Variants in DOP1A observed in about 807,000 individuals in gnomAD.
DOP1A encodes DOP1 leucine zipper like protein A, also known as protein DOP1A.
A neutral mutation model predicts 267.6 loss-of-function variants in DOP1A; 90 were observed. The ratio of observed to expected loss-of-function variants is 0.34; its 90% CI spans 0.28 to 0.40. The LOEUF is 0.40. DOP1A is among the 10% of genes least tolerant of loss of function. DOP1A has a pLI of 1.00. For synonymous variants in DOP1A, 932 were observed against 999.1 expected (o/e 0.93, Z 1.27); for missense variants, 2,437 against 2,900.4 (o/e 0.84, Z 3.67).
chr6:83,159,678 A>T, intron 36 of DOP1A, 118 bp from the exon 37 acceptor site: 1 of 1,114,622 alleles, frequency 9.0e-7, no homozygotes, highest in Non-Finnish European at 1.3e-6. Context: ...CTTAGCAATT[A>T]CTGGCACATT....
At chr6:83,141,900 A>C (rs753619837) in intron 23 of DOP1A, 21 bp from the exon 24 acceptor site, 2 of 1,575,594 alleles carry the variant, frequency 1.3e-6, no homozygotes, top group South Asian at 2.4e-5. Flanking sequence ...TTTCACTTTC[A>C]TTTGCTTCAA....
downstream of DOP1A, chr6:83,170,437 T>A: frequency 6.2e-7 from 1 of 1,614,112 alleles, no homozygotes; most frequent in East Asian, 2.2e-5. Flanking sequence ...TAACTGCTTG[T>A]CTTTCAGCAT....
intron 1 of DOP1A, among the ~76,000 whole-genome samples, chr6:83,085,187 A>G (rs1292857749): frequency 6.6e-6 from 1 of 152,156 alleles, no homozygotes; most frequent in African/African-American, 2.4e-5. Flanking sequence ...ACAAACGAAA[A>G]TGGTTTAACT....
chr6:83,077,719 A>G (rs533211139), intron 1 of DOP1A, among the ~76,000 whole-genome samples: 4 of 152,310 alleles, frequency 2.6e-5, no homozygotes, highest in East Asian at 3.9e-4. Flanking sequence ...CATGAAGCAT[A>G]TGTACATTTT....
At chr6:83,073,801 T>C (rs1192983971) in intron 1 of DOP1A, among the ~76,000 whole-genome samples, 6 of 152,212 alleles carry the variant, frequency 3.9e-5, no homozygotes, top group African/African-American at 1.2e-4. Context: ...TTCTGGCTTT[T>C]AGAGGAATGA....
chr6:83,170,006 A>G (rs1430260552), downstream of DOP1A, among the ~76,000 whole-genome samples: 2 of 152,240 alleles, frequency 1.3e-5, no homozygotes, highest in African/African-American at 4.8e-5. Context: ...AGGATCATCT[A>G]CCTTATAGTG....
At chr6:83,071,878 G>A (rs1785676259) in intron 1 of DOP1A, among the ~76,000 whole-genome samples, 1 of 152,056 alleles carries the variant, frequency 6.6e-6, no homozygotes, top group African/African-American at 2.4e-5. Flanking sequence ...AAACAAGTGG[G>A]AACCTGTTAT....
At chr6:83,163,777 A>T (rs1784786177) in intron 38 of DOP1A, among the ~76,000 whole-genome samples, 1 of 152,168 alleles carries the variant, frequency 6.6e-6, no homozygotes, top group African/African-American at 2.4e-5. Flanking sequence ...TCAGAGTTAA[A>T]CTGGCTTTAT....
At chr6:83,092,184 T>C (rs1034800051) in intron 1 of DOP1A, among the ~76,000 whole-genome samples, 3 of 152,180 alleles carry the variant, frequency 2.0e-5, no homozygotes, top group Admixed American at 6.6e-5. Context: ...AAATCTAGTA[T>C]TTAAAAGTTT....
At chr6:83,081,940 C>A (rs1768154371) in intron 1 of DOP1A, among the ~76,000 whole-genome samples, 1 of 152,162 alleles carries the variant, frequency 6.6e-6, no homozygotes, top group Non-Finnish European at 1.5e-5. Flanking sequence ...CTCAACGTCA[C>A]TAATCATCAG....
intron 37 of DOP1A, among the ~76,000 whole-genome samples, 187 bp from the exon 38 acceptor site, chr6:83,162,603 T>A (rs766397644): frequency 6.6e-6 from 1 of 152,194 alleles, no homozygotes; most frequent in Non-Finnish European, 1.5e-5. Context: ...AATAGTATCT[T>A]TATTTACTGA....
intron 36 of DOP1A, among the ~76,000 whole-genome samples, chr6:83,159,028 T>C (rs2128399129): frequency 6.6e-6 from 1 of 152,310 alleles, no homozygotes; most frequent in Admixed American, 6.5e-5. Flanking sequence ...TTCTTTTTAA[T>C]AGAGGCAGTT....
chr6:83,145,486 T>TATAC (rs764929765), intron 24 of DOP1A, 38 bp from the exon 25 acceptor site: 116 of 1,506,064 alleles, frequency 7.7e-5, no homozygotes, highest in Middle Eastern at 3.4e-4. Context: ...AAAAGACTTA[T>TATAC]ATACATACAT....
intron 23 of DOP1A, 81 bp from the exon 24 acceptor site, chr6:83,141,840 A>G: frequency 6.8e-7 from 1 of 1,462,990 alleles, no homozygotes; most frequent in Non-Finnish European, 9.2e-7. Flanking sequence ...ATTATTTCAA[A>G]GAAACCAAAA....
chr6:83,076,062 A>G (rs1007965756), intron 1 of DOP1A, among the ~76,000 whole-genome samples: 1 of 152,212 alleles, frequency 6.6e-6, no homozygotes, highest in Non-Finnish European at 1.5e-5. Flanking sequence ...GGAAAGGGAG[A>G]AAATATTCAT....
At chr6:83,122,607 G>C (rs1776541709) in intron 11 of DOP1A, among the ~76,000 whole-genome samples, 1 of 151,814 alleles carries the variant, frequency 6.6e-6, no homozygotes, top group African/African-American at 2.4e-5. Context: ...TTGTTCTTTT[G>C]TCTTTTTTAT....
chr6:83,099,035 C>G (rs532850339), intron 3 of DOP1A, among the ~76,000 whole-genome samples: 4 of 151,858 alleles, frequency 2.6e-5, no homozygotes, highest in South Asian at 4.2e-4. Flanking sequence ...AGATTCCTGC[C>G]TTAGGGAGAA....
At chr6:83,162,453 C>A (rs1002370439) in intron 37 of DOP1A, among the ~76,000 whole-genome samples, 2 of 152,064 alleles carry the variant, frequency 1.3e-5, no homozygotes, top group African/African-American at 4.8e-5. Context: ...ATGAAAACAT[C>A]TTCCTTTTAA....
At chr6:83,116,427 G>T (rs546621746) in intron 7 of DOP1A, among the ~76,000 whole-genome samples, 1 of 151,952 alleles carries the variant, frequency 6.6e-6, no homozygotes, top group Non-Finnish European at 1.5e-5. Context: ...TATTACTATT[G>T]CCACTGATCT....
Sources: gnomAD v4.1 joint callset for allele counts (sites outside exome capture counted in the v4.1 genomes callset) on GRCh38, gnomAD v4.1.1 for gene constraint, MANE v1.5 for transcripts, NCBI Gene and HGNC (gene_info 2026-07-23, HGNC 2026-07-21) for gene names.